Variants in FAHD2A observed in about 807,000 individuals in gnomAD.
FAHD2A encodes oxaloacetate tautomerase FAHD2A, mitochondrial.
In FAHD2A, 27 loss-of-function variants were observed where a neutral mutation model predicts 33.4. That is an observed-to-expected ratio of 0.81 (90% CI 0.60 to 1.11). The LOEUF (loss-of-function observed/expected upper bound fraction) is 1.11, where lower values mean the gene tolerates loss of function less well. Ranked by LOEUF, FAHD2A falls within the 50% of genes most tolerant of loss-of-function variation. The probability of loss-of-function intolerance (pLI) is 0.00; values close to 1 mark genes in which losing one functional copy is unlikely to be tolerated. For synonymous variants in FAHD2A, 130 were observed against 153.3 expected, an observed-to-expected ratio of 0.85 and a Z score of 1.12; for missense variants, 296 against 395.0, an observed-to-expected ratio of 0.75 and a Z score of 2.12.
downstream of FAHD2A, among the ~76,000 whole-genome samples, chr2:95,419,280 G>A (rs1683281526): frequency 6.6e-6 from 1 of 152,072 alleles, no homozygotes; most frequent in Admixed American, 6.5e-5. Context: ...AAGAGATGGA[G>A]TTAAATGCTT....
chr2:95,414,237 T>C lies in FAHD2A; in HGVS notation c.*1280T>C. On this transcript the variant is annotated 3_prime_UTR_variant, in exon 8 of 8. Transcript: ENST00000233379. ...GCCTGCAGGAGCCTGGGCTGACTGGTTGGGACTCACCAAAGATCCCTTCTT... is the reference window on the plus strand; with the variant it reads ...GCCTGCAGGAGCCTGGGCTGACTGGCTGGGACTCACCAAAGATCCCTTCTT... 2 of 1,603,530 alleles carry C rather than the reference T, an allele frequency of 1.2e-6. No individual in the cohort carries two copies. The highest frequency in any genetic ancestry group is 1.7e-6 in the Non-Finnish European group (2 of 1,175,096).
downstream of FAHD2A, among the ~76,000 whole-genome samples, chr2:95,418,680 GC>G (rs1683273265): frequency 6.6e-6 from 1 of 151,998 alleles, no homozygotes; most frequent in African/African-American, 2.4e-5. Context: ...ATGAGTAAAA[GC>G]CATCGAGCTT....
chr2:95,403,357 T>A (rs2320434), intron 1 of FAHD2A, among the ~76,000 whole-genome samples: 31 of 152,270 alleles, frequency 2.0e-4, no homozygotes, highest in African/African-American at 6.3e-4. Context: ...TGCATGTGTG[T>A]GTCATGTGGG....
chr2:95,413,491 T>C lies in FAHD2A; in HGVS notation c.*534T>C, dbSNP rs905205604. The stretch of plus-strand genomic sequence containing the variant: ...CTGCCGGATGAACTGTTCTAGTTTT[T>C]CCTGATTGTCCAGGCTGGCAAAAGT... On this transcript the variant is annotated 3_prime_UTR_variant, in exon 8 of 8. Transcript: ENST00000233379. 1 of 1,610,022 alleles carries C rather than the reference T, an allele frequency of 6.2e-7. No homozygotes were observed. The highest frequency in any genetic ancestry group is 2.2e-5 in the East Asian group (1 of 44,864).
chr2:95,405,470 G>C (rs1438045236), intron 1 of FAHD2A, 83 bp from the exon 2 acceptor site: 2 of 1,526,580 alleles, frequency 1.3e-6, no homozygotes, highest in Non-Finnish European at 1.8e-6. Flanking sequence ...AAAGGGCCTC[G>C]GGCTATAGCC....
In FAHD2A at chr2:95,414,983, T is replaced by TCACA. The variant is rs4057546; in HGVS notation, c.*2030_*2033dup. 1 of 152,138 alleles carries TCACA rather than the reference T, an allele frequency of 6.6e-6. No individual in the cohort carries two copies. Among genetic ancestry groups the TCACA allele is most frequent in the Non-Finnish European group, 1.5e-5 (1 of 68,066 alleles). 9.4% of individuals were successfully genotyped at this position (152,138 alleles called of 1,614,324 possible). A position where few individuals can be genotyped will look rare whatever the true frequency, so the allele number is the denominator to read the frequency against. On this transcript the variant is annotated 3_prime_UTR_variant, in exon 8 of 8. Coordinates refer to ENST00000233379, the MANE Select transcript of FAHD2A (RefSeq NM_016044.3). ...GTAGAGACGGAGCCCTCCACCCCTC[T>TCACA]CACACACTCATCCTCACACCCAGCT...
At chr2:95,406,458 T>C (rs2104350412) in intron 2 of FAHD2A, among the ~76,000 whole-genome samples, 1 of 151,370 alleles carries the variant, frequency 6.6e-6, no homozygotes, top group East Asian at 1.9e-4. Flanking sequence ...GGGACTTGGG[T>C]ATATCTCTAT....
chr2:95,419,460 C>A (rs111330805), downstream of FAHD2A, among the ~76,000 whole-genome samples: 1 of 151,914 alleles, frequency 6.6e-6, no homozygotes, highest in Non-Finnish European at 1.5e-5. Flanking sequence ...ACTCAAGTGG[C>A]ATAATTGGCC....
intron 1 of FAHD2A, 55 bp downstream of exon 1, chr2:95,402,927 C>G (rs2303300): frequency 6.6e-6 from 1 of 152,410 alleles, no homozygotes; most frequent in Non-Finnish European, 1.5e-5. Flanking sequence ...CGCCGGTCTC[C>G]CGCGGAGCGC....
chr2:95,419,369 G>C (rs539871602), downstream of FAHD2A, among the ~76,000 whole-genome samples: 63 of 90,222 alleles, frequency 7.0e-4, 4 homozygotes, highest in East Asian at 0.014. Context: ...TAGAGACAGA[G>C]AGAGAGAGAA....
At chr2:95,408,691 G>T (rs1682011604) in intron 3 of FAHD2A, among the ~76,000 whole-genome samples, 1 of 152,196 alleles carries the variant, frequency 6.6e-6, no homozygotes, top group East Asian at 1.9e-4. Context: ...CTCCCACCGG[G>T]TCCGTCCCAT....
At position 95,414,489 on chromosome 2, in the gene FAHD2A, CT is replaced by C. The variant is rs1682961243; in HGVS notation, c.*1534del. ...TCTGTTTTTGTTTTCCTGAATCAGA[CT>C]TAGTCTCCCTCCATTCTCCCGTCCC... On this transcript the variant is annotated 3_prime_UTR_variant, in exon 8 of 8. Coordinates refer to ENST00000233379, the MANE Select transcript of FAHD2A (RefSeq NM_016044.3). 2.2e-6 allele frequency: 1 copy of C among 459,090 alleles called. No individual in the cohort carries two copies. The highest frequency in any genetic ancestry group is 4.0e-6 in the Non-Finnish European group (1 of 249,778). The allele number at this position is 459,090 out of a possible 1,614,324, so 28.4% of individuals were successfully genotyped here. A position where few individuals can be genotyped will look rare whatever the true frequency, so the allele number is the denominator to read the frequency against.
chr2:95,415,065 G>A lies in FAHD2A; in HGVS notation c.*2108G>A, dbSNP rs1417756296. On this transcript the variant is annotated 3_prime_UTR_variant, in exon 8 of 8. Coordinates refer to ENST00000233379, the MANE Select transcript of FAHD2A (RefSeq NM_016044.3). ...CCTTGGTCATTCTGTCCATCCTCCTGTCTGTCCAAAGCCAAGGACACTGCT... is the reference window on the plus strand; with the variant it reads ...CCTTGGTCATTCTGTCCATCCTCCTATCTGTCCAAAGCCAAGGACACTGCT... 6.6e-6 allele frequency: 1 copy of A among 152,044 alleles called. No homozygotes were observed. Among genetic ancestry groups the A allele is most frequent in the Non-Finnish European group, 1.5e-5 (1 of 68,012 alleles). The allele number at this position is 152,044 out of a possible 1,614,324, so 9.4% of individuals were successfully genotyped here.
Position 95,414,592 on chromosome 2 carries a change from C to G in FAHD2A, c.*1635C>G. The G allele has an allele frequency of 3.8e-6, 1 of 261,552 alleles. No homozygotes were observed. Among genetic ancestry groups the G allele is most frequent in the Non-Finnish European group, 7.5e-6 (1 of 133,670 alleles). 16.2% of individuals were successfully genotyped at this position (261,552 alleles called of 1,614,324 possible). ...TCCTCCTCCCTGCTCCAGAATTCTACTTGGTGCCCCCCAACCCCACTCGAC... is the reference window on the plus strand; with the variant it reads ...TCCTCCTCCCTGCTCCAGAATTCTAGTTGGTGCCCCCCAACCCCACTCGAC... On this transcript the variant is annotated 3_prime_UTR_variant, in exon 8 of 8. Transcript: ENST00000233379.
At chr2:95,406,827 T>C in intron 2 of FAHD2A, 114 bp from the exon 3 acceptor site, 2 of 1,459,824 alleles carry the variant, frequency 1.4e-6, no homozygotes, top group South Asian at 1.4e-5. Flanking sequence ...TTGATAGAGC[T>C]AGGAAATAGA....
intron 3 of FAHD2A, 97 bp from the exon 4 acceptor site, chr2:95,410,430 A>G: frequency 6.7e-7 from 1 of 1,495,358 alleles, no homozygotes; most frequent in Non-Finnish European, 9.1e-7. Context: ...AGCCATACTG[A>G]CAAAGGTTGA....
In FAHD2A at chr2:95,413,356, G is replaced by A; in HGVS notation, c.*399G>A. 6.6e-7 allele frequency: 1 copy of A among 1,524,956 alleles called. No individual in the cohort carries two copies. Among genetic ancestry groups the A allele is most frequent in the Non-Finnish European group, 8.8e-7 (1 of 1,139,910 alleles). 94.5% of individuals were successfully genotyped at this position (1,524,956 alleles called of 1,614,324 possible). A position where few individuals can be genotyped will look rare whatever the true frequency, so the allele number is the denominator to read the frequency against. ...TCAAGCCTCAATGATTATATTTATA[G>A]CTAAGGGTTTGCAGCCTCCTCTCCA... On this transcript the variant is annotated 3_prime_UTR_variant, in exon 8 of 8. Transcript: ENST00000233379.
rs1682922038 is a variant in FAHD2A at position 95,414,081 on chromosome 2, TCTC to T, written c.*1128_*1130del. The T allele has an allele frequency of 7.1e-7, 1 of 1,412,580 alleles. No homozygotes were observed. The highest frequency in any genetic ancestry group is 1.2e-5 in the South Asian group (1 of 85,128). 87.5% of individuals were successfully genotyped at this position (1,412,580 alleles called of 1,614,324 possible). ...CAGGGAGACACTGGGCACAGGCTTC[TCTC>T]CTCTTGTTTAAAGAAGCCCAGGGAG... is the stretch of plus-strand genomic sequence containing the variant. On this transcript the variant is annotated 3_prime_UTR_variant, in exon 8 of 8. Coordinates refer to ENST00000233379, the MANE Select transcript of FAHD2A (RefSeq NM_016044.3).
chr2:95,407,189 C>T (rs774000560), intron 3 of FAHD2A, 32 bp downstream of exon 3: 36 of 1,611,350 alleles, frequency 2.2e-5, no homozygotes, highest in Admixed American at 5.0e-5. Context: ...TCCCTAGTCA[C>T]TGGGCCCATC....
Sources: gnomAD v4.1 joint callset for allele counts (sites outside exome capture counted in the v4.1 genomes callset) on GRCh38, gnomAD v4.1.1 for gene constraint, MANE v1.5 for transcripts, NCBI Gene and HGNC (gene_info 2026-07-23, HGNC 2026-07-21) for gene names.